Variants in OTOGL observed in about 807,000 individuals in gnomAD.
OTOGL encodes otogelin-like protein.
In OTOGL, 285 loss-of-function variants were observed where a neutral mutation model predicts 318.5. The observed-to-expected ratio is 0.89, with a 90% CI of 0.81 to 0.99. The LOEUF is 0.99. OTOGL is among the 50% of genes least tolerant of loss of function. OTOGL has a pLI of 0.00. For synonymous variants in OTOGL, 987 were observed against 936.5 expected (o/e 1.05, Z -0.99); for missense variants, 2,899 against 2,845.6 (o/e 1.02, Z -0.43).
intron 37 of OTOGL, among the ~76,000 whole-genome samples, chr12:80,330,811 C>T (rs891179730): frequency 7.9e-5 from 12 of 151,984 alleles, no homozygotes; most frequent in Admixed American, 3.9e-4. Flanking sequence ...ACACAAAAAT[C>T]GATTGTATTT....
intron 1 of OTOGL, among the ~76,000 whole-genome samples, chr12:80,201,550 A>G (rs1283248302): frequency 6.6e-6 from 1 of 152,172 alleles, no homozygotes; most frequent in Non-Finnish European, 1.5e-5. Flanking sequence ...CCCTGCATCC[A>G]ACATTGGAGG....
intron 11 of OTOGL, among the ~76,000 whole-genome samples, chr12:80,244,172 CTT>C (rs1190173197): frequency 1.4e-5 from 2 of 141,862 alleles, no homozygotes; most frequent in African/African-American, 2.6e-5. Context: ...TTCTTTTTTT[CTT>C]TTTTTTTTTT....
chr12:80,175,093 TAC>T (rs1223608780), intron 1 of OTOGL, among the ~76,000 whole-genome samples: 1 of 152,116 alleles, frequency 6.6e-6, no homozygotes, highest in Non-Finnish European at 1.5e-5. Flanking sequence ...GGCACAACAG[TAC>T]AGTTTTCCAC....
At chr12:80,122,860 G>C (rs1870568139) in intron 1 of OTOGL, among the ~76,000 whole-genome samples, 1 of 152,048 alleles carries the variant, frequency 6.6e-6, no homozygotes, top group Admixed American at 6.6e-5. Flanking sequence ...TCTGCAAGTT[G>C]AGTCCTTGCT....
intron 1 of OTOGL, among the ~76,000 whole-genome samples, chr12:80,134,613 A>G (rs1049473094): frequency 2.6e-5 from 4 of 152,182 alleles, no homozygotes; most frequent in African/African-American, 4.8e-5. Flanking sequence ...CTCATGCCAC[A>G]TAAGACTCCT....
chr12:80,249,722 A>G (rs923464759), intron 11 of OTOGL, among the ~76,000 whole-genome samples: 1 of 152,030 alleles, frequency 6.6e-6, no homozygotes, highest in African/African-American at 2.4e-5. Flanking sequence ...TGCTTTGTTT[A>G]CCTAAGGAAG....
rs1891217682 is a variant in OTOGL, at chr12:80,377,195, A to C, written c.6854A>C (p.Gln2285Pro). ...SVIRKQDCMS[Q>P]SPINVASCDG... ...ATAAGGAAACAGGACTGTATGAGCC[A>C]AAGCCCTGTAAGTGGAAAAATGTCA... Residue 2285 changes from glutamine (Q) to proline (P), a missense_variant, in exon 58 of 59, where the codon CAA becomes CCA. Gln to Pro is a moderately conservative substitution (Grantham distance 76). Transcript: ENST00000547103. The C allele has an allele frequency of 6.3e-7, 1 of 1,598,762 alleles. No individual in the cohort carries two copies. Among genetic ancestry groups the C allele is most frequent in the Admixed American group, 1.7e-5 (1 of 58,664 alleles).
At chr12:80,221,836 T>G (rs1310549506) in intron 6 of OTOGL, among the ~76,000 whole-genome samples, 1 of 152,338 alleles carries the variant, frequency 6.6e-6, no homozygotes, top group African/African-American at 2.4e-5. Flanking sequence ...CTAGAATCTT[T>G]CTTTGAAAAC....
At chr12:80,369,237 T>C (rs1427618327) in intron 55 of OTOGL, among the ~76,000 whole-genome samples, 1 of 152,036 alleles carries the variant, frequency 6.6e-6, no homozygotes, top group African/African-American at 2.4e-5. Flanking sequence ...CTGAATCCAA[T>C]GAGCTTATTA....
chr12:80,163,710 C>T (rs963038086), intron 1 of OTOGL, among the ~76,000 whole-genome samples: 4 of 151,994 alleles, frequency 2.6e-5, no homozygotes, highest in Admixed American at 1.3e-4. Flanking sequence ...TGGCTTTGTC[C>T]TTCATGTCTT....
intron 1 of OTOGL, among the ~76,000 whole-genome samples, chr12:80,160,326 T>C (rs774198185): frequency 1.1e-4 from 16 of 152,066 alleles, no homozygotes; most frequent in Non-Finnish European, 2.1e-4. Context: ...GAAGAAAATC[T>C]TCACAATTTA....
intron 1 of OTOGL, among the ~76,000 whole-genome samples, chr12:80,137,914 G>A (rs1196213286): frequency 1.3e-5 from 2 of 152,134 alleles, no homozygotes; most frequent in Non-Finnish European, 2.9e-5. Flanking sequence ...TCTTTGGGAA[G>A]AAGTATCACT....
chr12:80,372,169 GAAAC>G, intron 57 of OTOGL, 105 bp downstream of exon 57: 1 of 658,462 alleles, frequency 1.5e-6, no homozygotes, highest in Non-Finnish European at 2.3e-6. Flanking sequence ...TGCAAAGAGA[GAAAC>G]AAATTTTATA....
chr12:80,170,276 C>G (rs971434990), intron 1 of OTOGL, among the ~76,000 whole-genome samples: 4 of 150,764 alleles, frequency 2.7e-5, no homozygotes, highest in South Asian at 2.1e-4. Context: ...TTTAGCTATT[C>G]CAGTCCATGT....
chr12:80,358,169 G>A (rs1890021390), intron 49 of OTOGL, 79 bp from the exon 50 acceptor site: 1 of 905,432 alleles, frequency 1.1e-6, no homozygotes. Flanking sequence ...GATTTGATTT[G>A]TGTATGGTAA....
intron 44 of OTOGL, among the ~76,000 whole-genome samples, chr12:80,349,949 AC>A: frequency 6.6e-6 from 1 of 152,356 alleles, no homozygotes; most frequent in African/African-American, 2.4e-5. Context: ...ATAACACTTT[AC>A]ATCCACTCTC....
intron 1 of OTOGL, among the ~76,000 whole-genome samples, chr12:80,183,099 A>G (rs542919488): frequency 3.3e-5 from 5 of 152,304 alleles, no homozygotes; most frequent in Admixed American, 2.0e-4. Flanking sequence ...AATGCTTACA[A>G]TACAATTGGT....
At chr12:80,163,406 T>C (rs1323041757) in intron 1 of OTOGL, among the ~76,000 whole-genome samples, 1 of 152,002 alleles carries the variant, frequency 6.6e-6, no homozygotes, top group Non-Finnish European at 1.5e-5. Context: ...TTGGAGACCA[T>C]TGTAGGAGAA....
At chr12:80,101,816 G>T (rs1182555167) in intron 1 of OTOGL, among the ~76,000 whole-genome samples, 1 of 152,154 alleles carries the variant, frequency 6.6e-6, no homozygotes, top group African/African-American at 2.4e-5. Flanking sequence ...CACCATACCT[G>T]TAAAGGGGGG....
Sources: allele counts gnomAD v4.1 joint callset (sites outside exome capture counted in the v4.1 genomes callset), GRCh38; gene constraint gnomAD v4.1.1; transcripts MANE v1.5; gene names NCBI Gene and HGNC (gene_info 2026-07-23, HGNC 2026-07-21).